Variants in FER1L5 observed in about 807,000 individuals in gnomAD.
The protein encoded by FER1L5 is fer-1 like family member 5, also known as fer-1-like protein 5.
Under a neutral mutation model 279.9 loss-of-function variants are expected in FER1L5, and 187 were observed. The observed-to-expected ratio is 0.67, with a 90% CI of 0.59 to 0.75. FER1L5 has a LOEUF of 0.75. Among genes scored for constraint, FER1L5 ranks in the 30% least tolerant of loss-of-function variants. FER1L5 has a pLI of 0.00. For missense variants in FER1L5, 2,091 were observed against 2,594.4 expected, an observed-to-expected ratio of 0.81 and a Z score of 4.21; for synonymous variants, 921 against 989.7, an observed-to-expected ratio of 0.93 and a Z score of 1.30.
chr2:96,699,931 G>C lies in FER1L5; in HGVS notation c.4782-1G>C. 2 of 1,613,766 alleles carry C rather than the reference G, an allele frequency of 1.2e-6. No individual in the cohort carries two copies. Among genetic ancestry groups the C allele is most frequent in the Non-Finnish European group, 1.7e-6 (2 of 1,179,796 alleles). ...ACCTCTTCCTCTCACATCCCCCACA[G>C]GTCAGGGCCCTTTAGATGGCGGGAT... On this transcript the variant is annotated splice_acceptor_variant, in intron 43 of 52. Coordinates refer to ENST00000624922, the MANE Select transcript of FER1L5 (RefSeq NM_001293083.2). LOFTEE classifies it high-confidence loss of function.
chr2:96,693,615 G>A lies in FER1L5; in HGVS notation c.3402G>A (p.Leu1134=), dbSNP rs760178420. 11 of 1,551,714 alleles carry A rather than the reference G, an allele frequency of 7.1e-6. 1 individual carries two copies. In the South Asian group the frequency reaches 1.1e-4, roughly 15 times the overall value. The change falls in exon 32 of 53, where the codon CTG becomes CTA. Residue 1134 remains leucine (L), a synonymous_variant. Coordinates refer to ENST00000624922, the MANE Select transcript of FER1L5 (RefSeq NM_001293083.2). ...CACTCATCTTCCAGCACCTCCTTCT[G>A]TACGAGAACCCACAGGACACCAAAG... ...AQTLIFQHLL[L]YENPQDTKES... is the part of the protein sequence containing the mutation.
rs1216000430 is a variant in FER1L5, at chr2:96,673,247, A to G, written c.1662A>G (p.Ile554Met). The change falls in exon 19 of 53, where the codon ATA becomes ATG. Residue 554 changes from isoleucine to methionine, a missense_variant. Physicochemically the swap from Ile to Met is conservative, Grantham distance 10. Coordinates refer to ENST00000624922, the MANE Select transcript of FER1L5 (RefSeq NM_001293083.2). Reference sequence around the variant, plus strand: ...CAAGCACACCGTACAGCCCAGTGATATATGATGGTAATTGTCAGATTCAGG... The same window carrying G: ...CAAGCACACCGTACAGCCCAGTGATGTATGATGGTAATTGTCAGATTCAGG... ...LVSSTPYSPV[I>M]YDGNIYHYVP... 2.6e-6 allele frequency: 4 copies of G among 1,548,724 alleles called. No homozygotes were observed. The highest frequency in any genetic ancestry group is 3.5e-6 in the Non-Finnish European group (4 of 1,144,702).
At chr2:96,676,462 C>T (rs1473914728) in intron 19 of FER1L5, among the ~76,000 whole-genome samples, 2 of 152,142 alleles carry the variant, frequency 1.3e-5, no homozygotes, top group Non-Finnish European at 2.9e-5. Context: ...CCGCTGGGCC[C>T]GGCCTAGTTG....
rs1189144483 is a variant in FER1L5, at chr2:96,698,015, A to T, written c.4237-22A>T. 6.5e-7 allele frequency: 1 copy of T among 1,550,162 alleles called. No individual in the cohort carries two copies. Among genetic ancestry groups the T allele is most frequent in the African/African-American group, 1.4e-5 (1 of 73,086 alleles). ...ATCACGGGAACAGTCTCCACCAGCC[A>T]GGGTTCCACACACCTCTGCAGGTGT... On this transcript the variant is annotated intron_variant, in intron 39 of 52. Coordinates refer to ENST00000624922, the MANE Select transcript of FER1L5 (RefSeq NM_001293083.2). The surrounding 1 kb of genome is among the most constrained non-coding windows in gnomAD (Gnocchi z 5.5).
rs1044137205 is a variant in FER1L5 at position 96,653,495 on chromosome 2, G to C, written c.634-145G>C. On this transcript the variant is annotated intron_variant, in intron 7 of 52. Transcript: ENST00000624922. Reference sequence around the variant, plus strand: ...TTTTTATTTCAGATTTTTGGATTAGGAATACTCAGCCTGTACTTGTAAACC... The same window carrying C: ...TTTTTATTTCAGATTTTTGGATTAGCAATACTCAGCCTGTACTTGTAAACC... 1.1e-5 allele frequency: 7 copies of C among 663,332 alleles called. No homozygotes were observed. In the Admixed American group the frequency reaches 1.5e-4, roughly 14 times the overall value. The allele number at this position is 663,332 out of a possible 1,614,324, so 41.1% of individuals were successfully genotyped here.
rs1425233498 is a variant in FER1L5 at position 96,668,643 on chromosome 2, G to A, written c.1141-108G>A. The A allele has an allele frequency of 1.7e-5, 22 of 1,321,014 alleles. No individual in the cohort carries two copies. In the East Asian group the frequency reaches 5.5e-4, roughly 33 times the overall value. 81.8% of individuals were successfully genotyped at this position (1,321,014 alleles called of 1,614,324 possible). A position where few individuals can be genotyped will look rare whatever the true frequency, so the allele number is the denominator to read the frequency against. ...GATGAAGTGGCTCACTGGTAACTGA[G>A]CCAGGACTTGCTCCCAGACCCGCGA... On this transcript the variant is annotated intron_variant, in intron 14 of 52. Coordinates refer to ENST00000624922, the MANE Select transcript of FER1L5 (RefSeq NM_001293083.2).
intron 9 of FER1L5, among the ~76,000 whole-genome samples, chr2:96,658,956 GT>G (rs1307752827): frequency 6.6e-6 from 1 of 151,476 alleles, no homozygotes; most frequent in Admixed American, 6.6e-5. Flanking sequence ...TTTTGTTTTT[GT>G]TTTTTTGGGA....
Position 96,698,055 on chromosome 2 carries a change from G to A in FER1L5, c.4255G>A (p.Glu1419Lys), listed in dbSNP as rs1303660326. Reference protein sequence around the residue: ...HTLKVYECELEAVPAFQGLQD... With the variant: ...HTLKVYECELKAVPAFQGLQD... ...TCTGCAGGTGTATGAGTGTGAGCTG[G>A]AGGCCGTGCCAGCCTTCCAGGGCCT... The change falls in exon 40 of 53, where the codon GAG becomes AAG. Residue 1419 changes from glutamate (E) to lysine (K), a missense_variant. Glu to Lys is a moderately conservative substitution (Grantham distance 56, BLOSUM62 1). Transcript: ENST00000624922. This position sits in a 1 kb window ranked among gnomAD's most constrained non-coding sequence, Gnocchi z 5.5. The A allele has an allele frequency of 2.5e-6, 4 of 1,579,368 alleles. No individual in the cohort carries two copies. The East Asian group carries it at 9.3e-5, about 37-fold the overall frequency.
At chr2:96,667,736 C>G (rs1255871666) in intron 14 of FER1L5, among the ~76,000 whole-genome samples, 2 of 152,200 alleles carry the variant, frequency 1.3e-5, no homozygotes, top group African/African-American at 2.4e-5. Context: ...CACGGCCTCT[C>G]CATGAGATGG....
intron 24 of FER1L5, 83 bp downstream of exon 24, chr2:96,688,030 C>T: frequency 6.6e-7 from 1 of 1,513,180 alleles, no homozygotes; most frequent in Non-Finnish European, 8.9e-7. Context: ...AGATGGCCTC[C>T]CTGCAGGGGA....
intron 19 of FER1L5, among the ~76,000 whole-genome samples, chr2:96,683,833 C>T (rs372441874): frequency 6.6e-5 from 10 of 152,340 alleles, no homozygotes; most frequent in East Asian, 3.9e-4. Context: ...GAATCCTCTA[C>T]GTTTGGTCTC....
chr2:96,696,589 C>T (rs145670167), intron 37 of FER1L5, among the ~76,000 whole-genome samples: 83 of 152,122 alleles, frequency 5.5e-4, no homozygotes, highest in African/African-American at 1.9e-3. Context: ...CCACCATGCC[C>T]GGCCTTAAAT....
At chr2:96,667,825 A>G (rs796781655) in intron 14 of FER1L5, among the ~76,000 whole-genome samples, 24 of 152,312 alleles carry the variant, frequency 1.6e-4, no homozygotes, top group African/African-American at 5.8e-4. Flanking sequence ...GGGCAGACTC[A>G]GGTGTCAGAG....
intron 10 of FER1L5, among the ~76,000 whole-genome samples, chr2:96,660,940 G>T (rs1195847089): frequency 6.6e-6 from 1 of 152,150 alleles, no homozygotes; most frequent in Non-Finnish European, 1.5e-5. Flanking sequence ...TACAATCCTG[G>T]GTTAGATTTC....
At position 96,691,918 on chromosome 2, in the gene FER1L5, G is replaced by A. The variant is rs1361563047; in HGVS notation, c.3169G>A (p.Asp1057Asn). ...ACAGTTCAGGGACCCCCAGAGGCAG[G>A]ACACCCGGCCCCCCAACTTGCCCTT... ...DRQFRDPQRQ[D>N]TRPPNLPFIY... Residue 1057 changes from aspartate to asparagine, a missense_variant, in exon 30 of 53, where the codon GAC becomes AAC. By Grantham distance (23) the Asp-to-Asn change is conservative. Transcript: ENST00000624922. The surrounding 1 kb of genome is among the most constrained non-coding windows in gnomAD (Gnocchi z 6.0). 1 of 1,548,900 alleles carries A rather than the reference G, an allele frequency of 6.5e-7. No individual in the cohort carries two copies. The highest frequency in any genetic ancestry group is 1.4e-5 in the African/African-American group (1 of 72,228).
In FER1L5 at chr2:96,698,752, G is replaced by C. The variant is rs555810708; in HGVS notation, c.4438G>C (p.Glu1480Gln). 9 of 1,573,204 alleles carry C rather than the reference G, an allele frequency of 5.7e-6. No homozygotes were observed. Among genetic ancestry groups the C allele is most frequent in the African/African-American group, 5.4e-5 (4 of 73,708 alleles). Residue 1480 changes from glutamate to glutamine, a missense_variant, in exon 41 of 53, where the codon GAG becomes CAG. Physicochemically the swap from Glu to Gln is conservative, Grantham distance 29. Transcript: ENST00000624922. The surrounding 1 kb of genome is among the most constrained non-coding windows in gnomAD (Gnocchi z 5.5). ...PLQFLVWPER[E>Q]DFPQPCLVRV... ...GCAGTTCTTGGTTTGGCCAGAGAGA[G>C]AGGACTTCCCCCAGCCGTGCTTGGT...
chr2:96,659,292 T>TGCCTG (rs2075737822), intron 9 of FER1L5, among the ~76,000 whole-genome samples: 1 of 19,762 alleles, frequency 5.1e-5, no homozygotes, highest in African/African-American at 1.5e-4. Context: ...TATCAAGCTT[T>TGCCTG]CCTTCCTTCC....
intron 19 of FER1L5, among the ~76,000 whole-genome samples, chr2:96,681,611 C>T (rs573774417): frequency 8.6e-5 from 13 of 151,916 alleles, no homozygotes; most frequent in East Asian, 3.9e-4. Flanking sequence ...AAAATCATAT[C>T]GTGGTTTCTT....
intron 19 of FER1L5, 75 bp from the exon 20 acceptor site, chr2:96,684,252 G>T (rs773212517): frequency 5.3e-6 from 8 of 1,509,346 alleles, no homozygotes; most frequent in Non-Finnish European, 7.1e-6. Context: ...AGAGGTCCTC[G>T]GAGGGAGCAC....
Sources: allele counts gnomAD v4.1 joint callset (sites outside exome capture counted in the v4.1 genomes callset), GRCh38; gene constraint gnomAD v4.1.1; non-coding constraint Gnocchi (gnomAD v3.1); transcripts MANE v1.5; gene names NCBI Gene and HGNC (gene_info 2026-07-23, HGNC 2026-07-21).